The following DHDH variants were observed in gnomAD, a reference collection of about 807,000 sequenced individuals.
DHDH encodes trans-1,2-dihydrobenzene-1,2-diol dehydrogenase.
A neutral mutation model predicts 33.2 loss-of-function variants in DHDH; 29 were observed. That is an observed-to-expected ratio of 0.87 (90% CI 0.65 to 1.19). The LOEUF (loss-of-function observed/expected upper bound fraction) is 1.19. Among genes scored for constraint, DHDH ranks in the 50% most tolerant of loss-of-function variants. The probability of loss-of-function intolerance (pLI) is 0.00; values close to 1 mark genes in which losing one functional copy is unlikely to be tolerated. For synonymous variants in DHDH, 201 were observed against 187.9 expected, an observed-to-expected ratio of 1.07 and a Z score of -0.57; for missense variants, 431 against 455.0, an observed-to-expected ratio of 0.95 and a Z score of 0.48.
rs1389801708 is a variant in DHDH at position 48,933,728 on chromosome 19, C to T, written c.7C>T (p.Leu3=). The T allele has an allele frequency of 1.2e-6, 2 of 1,613,420 alleles. No individual in the cohort carries two copies. The highest frequency in any genetic ancestry group is 1.7e-6 in the Non-Finnish European group (2 of 1,180,000). The change falls in exon 1 of 7, where the codon CTG becomes TTG. Residue 3 remains leucine, a synonymous_variant. Coordinates refer to ENST00000221403, the MANE Select transcript of DHDH (RefSeq NM_014475.4). MA[L]RWGIVSVGLI... is the part of the protein sequence containing the mutation. Reference sequence around the variant, plus strand: ...AGGGCTCCGCATCGCAACCATGGCGCTGCGCTGGGGCATCGTGTCTGTCGG... The same window carrying T: ...AGGGCTCCGCATCGCAACCATGGCGTTGCGCTGGGGCATCGTGTCTGTCGG...
intron 4 of DHDH, among the ~76,000 whole-genome samples, chr19:48,940,813 G>A (rs55991017): frequency 2.2e-3 from 335 of 152,268 alleles, no homozygotes; most frequent in Non-Finnish European, 4.1e-3. Context: ...CTGAGATGGT[G>A]CCACTGCATT....
chr19:48,936,197 T>C lies in DHDH; in HGVS notation c.366+2T>C. ...TCCCGAGCCCTCTTCCTTATGGAGG[T>C]GAGGGCAGAGGAGCCCTTCCAATAT... is the stretch of plus-strand genomic sequence containing the variant. On this transcript the variant is annotated splice_donor_variant, in intron 3 of 6. Coordinates refer to ENST00000221403, the MANE Select transcript of DHDH (RefSeq NM_014475.4). LOFTEE classifies it high-confidence loss of function. 1.9e-6 allele frequency: 3 copies of C among 1,584,810 alleles called. No individual in the cohort carries two copies. Among genetic ancestry groups the C allele is most frequent in the Non-Finnish European group, 2.6e-6 (3 of 1,167,150 alleles).
chr19:48,942,329 T>C, intron 4 of DHDH, 111 bp from the exon 5 acceptor site: 3 of 1,203,190 alleles, frequency 2.5e-6, no homozygotes, highest in East Asian at 2.8e-5. Flanking sequence ...TGCCTTGCCA[T>C]GCAAGAAGTG....
chr19:48,938,922 G>A (rs1451347024), intron 3 of DHDH, among the ~76,000 whole-genome samples: 2 of 151,928 alleles, frequency 1.3e-5, no homozygotes, highest in African/African-American at 4.8e-5. Context: ...CTGTGGACTC[G>A]CAAAGTGCTG....
intron 3 of DHDH, among the ~76,000 whole-genome samples, chr19:48,938,579 T>C (rs2037812782): frequency 6.6e-6 from 1 of 151,924 alleles, no homozygotes; most frequent in Admixed American, 6.6e-5. Context: ...TACCTACATC[T>C]AATCTCTTCT....
At chr19:48,939,373 G>A (rs2037823988) in intron 3 of DHDH, 76 bp from the exon 4 acceptor site, 3 of 1,512,700 alleles carry the variant, frequency 2.0e-6, no homozygotes, top group Non-Finnish European at 2.7e-6. Flanking sequence ...CTGGGTTGCA[G>A]TGGGTATCCC....
intron 3 of DHDH, among the ~76,000 whole-genome samples, chr19:48,938,794 C>A (rs578155397): frequency 3.6e-4 from 55 of 152,030 alleles, no homozygotes; most frequent in Non-Finnish European, 6.9e-4. Context: ...TACAGGCGTG[C>A]GCCATCACGC....
chr19:48,938,146 G>A (rs542216419), intron 3 of DHDH, among the ~76,000 whole-genome samples: 2 of 152,138 alleles, frequency 1.3e-5, no homozygotes, highest in Non-Finnish European at 2.9e-5. Context: ...CGCCAGGCTG[G>A]AGTGCAATGG....
At chr19:48,935,961 CG>C (rs1399966450) in intron 2 of DHDH, 70 bp from the exon 3 acceptor site, 3 of 1,542,442 alleles carry the variant, frequency 1.9e-6, no homozygotes, top group Non-Finnish European at 2.6e-6. Flanking sequence ...GGCGGGGCCT[CG>C]AAGTTGTGGG....
At chr19:48,935,255 A>C in intron 2 of DHDH, 144 bp downstream of exon 2, 1 of 608,266 alleles carries the variant, frequency 1.6e-6, no homozygotes, top group Non-Finnish European at 2.6e-6. Context: ...AGAACTATAA[A>C]ACGGGCTTGG....
intron 5 of DHDH, among the ~76,000 whole-genome samples, chr19:48,943,038 A>T (rs1226238929): frequency 1.4e-5 from 2 of 138,834 alleles, no homozygotes; most frequent in Non-Finnish European, 3.2e-5. Context: ...CTGGGTGATA[A>T]GAGCAAAACT....
chr19:48,935,938 C>T, intron 2 of DHDH, 94 bp from the exon 3 acceptor site: 2 of 1,495,472 alleles, frequency 1.3e-6, no homozygotes, highest in East Asian at 2.5e-5. Context: ...ACCACCTGGT[C>T]CCTGGGTGCT....
intron 4 of DHDH, among the ~76,000 whole-genome samples, chr19:48,941,744 G>A (rs1013661606): frequency 1.3e-4 from 19 of 146,012 alleles, no homozygotes; most frequent in African/African-American, 3.8e-4. Context: ...CACAATCATT[G>A]CTCACTGCAA....
upstream of DHDH, chr19:48,933,538 A>G (rs543937405): frequency 3.6e-4 from 220 of 614,064 alleles, no homozygotes; most frequent in African/African-American, 3.7e-3. Context: ...GCGGAGCTAA[A>G]CGGTGCATTC....
At chr19:48,937,284 C>G (rs890719266) in intron 3 of DHDH, among the ~76,000 whole-genome samples, 28 of 152,184 alleles carry the variant, frequency 1.8e-4, no homozygotes, top group Non-Finnish European at 4.0e-4. Context: ...GTTCACGCTC[C>G]TCTCGACTGC....
At chr19:48,935,157 G>T (rs773771463) in intron 2 of DHDH, 46 bp downstream of exon 2, 8 of 1,455,422 alleles carry the variant, frequency 5.5e-6, no homozygotes, top group Non-Finnish European at 7.4e-6. Context: ...CCCCTGGAGC[G>T]GTGCCCCCTG....
intron 3 of DHDH, among the ~76,000 whole-genome samples, chr19:48,936,711 C>CAAAAAAAAAAAA (rs201495339): frequency 3.8e-4 from 33 of 87,280 alleles, no homozygotes; most frequent in Non-Finnish European, 7.7e-4. Flanking sequence ...AGAAAAAAAA[C>CAAAAAAAAAAAA]AAACAAAAAA....
At chr19:48,940,923 C>T (rs1204662367) in intron 4 of DHDH, among the ~76,000 whole-genome samples, 1 of 150,892 alleles carries the variant, frequency 6.6e-6, no homozygotes, top group Non-Finnish European at 1.5e-5. Flanking sequence ...CTCAAGCTAT[C>T]CTCCCGCCTC....
chr19:48,937,054 G>T (rs1300206977), intron 3 of DHDH, among the ~76,000 whole-genome samples: 1 of 152,010 alleles, frequency 6.6e-6, no homozygotes, highest in Non-Finnish European at 1.5e-5. Flanking sequence ...AAAGTGCTGG[G>T]ATTACAGGCG....
Sources: allele counts gnomAD v4.1 joint callset (sites outside exome capture counted in the v4.1 genomes callset), GRCh38; gene constraint gnomAD v4.1.1; transcripts MANE v1.5; gene names NCBI Gene and HGNC (gene_info 2026-07-23, HGNC 2026-07-21).